The following TRANK1 variants were observed in gnomAD, a reference collection of about 807,000 sequenced individuals.
TRANK1 encodes the protein tetratricopeptide repeat and ankyrin repeat containing 1.
TRANK1 carries 198 observed loss-of-function variants against 266.0 expected under a neutral mutation model. The ratio of observed to expected loss-of-function variants is 0.74; its 90% confidence interval spans 0.66 to 0.84. The LOEUF (loss-of-function observed/expected upper bound fraction) is 0.84, where lower values mean the gene tolerates loss of function less well. Among genes scored for constraint, TRANK1 ranks in the 40% least tolerant of loss-of-function variants. The pLI is 0.00. For missense variants in TRANK1, 3,326 were observed against 3,634.6 expected (o/e 0.92, Z 2.18); for synonymous variants, 1,396 against 1,384.1 (o/e 1.01, Z -0.19).
At chr3:36,850,810 T>C in intron 15 of TRANK1, 1 of 985,292 alleles carries the variant, frequency 1.0e-6, no homozygotes, top group African/African-American at 1.7e-5. Flanking sequence ...ATCTAAAGGG[T>C]CAGTTCTGGG....
At position 36,829,727 on chromosome 3, in the gene TRANK1, C is replaced by T; in HGVS notation, c.8711-65G>A. ...ATTGCAGGAACTAGAACACCAATTA[C>T]TAGACCCAGAGTCCCCACATCCCAA... On this transcript the variant is annotated intron_variant, in intron 22 of 23. Transcript: ENST00000645898. The T allele has an allele frequency of 2.0e-6, 3 of 1,533,984 alleles. No individual in the cohort carries two copies. In the South Asian group the frequency reaches 3.4e-5, roughly 17 times the overall value.
Position 36,831,217 on chromosome 3 carries a change from G to A in TRANK1, c.8366C>T (p.Ala2789Val), listed in dbSNP as rs764591130. 3 of 1,613,742 alleles carry A rather than the reference G, an allele frequency of 1.9e-6. No homozygotes were observed. Among genetic ancestry groups the A allele is most frequent in the Non-Finnish European group, 1.7e-6 (2 of 1,179,880 alleles). Residue 2789 changes from alanine (A) to valine (V), a missense_variant, in exon 22 of 24, where the codon GCG (alanine) becomes GTG (valine). By Grantham distance (64) the Ala-to-Val change is moderately conservative (BLOSUM62 0). Coordinates refer to ENST00000645898, the MANE Select transcript of TRANK1 (RefSeq NM_001329998.2). The surrounding 1 kb of genome is among the most constrained non-coding windows in gnomAD (Gnocchi z 5.0). Reference protein sequence around the residue: ...GPENYFSPSKAFEGAASEVAV... With the variant: ...GPENYFSPSKVFEGAASEVAV... ...CACCTCGGAAGCTGCCCCCTCAAAC[G>A]CTTTGCTGGGGCTGAAATAGTTCTC...
chr3:36,921,917 G>T (rs1369312019), intron 1 of TRANK1, among the ~76,000 whole-genome samples: 1 of 152,120 alleles, frequency 6.6e-6, no homozygotes, highest in African/African-American at 2.4e-5. Flanking sequence ...TGGGCTGGGA[G>T]GATTGCTTGA....
At chr3:36,908,710 G>A (rs756533468) in intron 1 of TRANK1, 23 of 873,086 alleles carry the variant, frequency 2.6e-5, no homozygotes, top group Middle Eastern at 5.9e-4. Flanking sequence ...TGATCTGGAG[G>A]AGGCTGCTTC....
chr3:36,834,018 C>A, intron 21 of TRANK1, 99 bp from the exon 22 acceptor site: 1 of 1,208,266 alleles, frequency 8.3e-7, no homozygotes, highest in Non-Finnish European at 1.1e-6. Flanking sequence ...AAAACTCCCA[C>A]ATGTAGATAT....
chr3:36,901,099 TTG>T (rs1491518148), intron 3 of TRANK1, among the ~76,000 whole-genome samples: 1 of 94,990 alleles, frequency 1.1e-5, no homozygotes, highest in Non-Finnish European at 2.2e-5. Context: ...AGATTCAAGG[TTG>T]TTTTTTTTTT....
In TRANK1 at chr3:36,855,713, C is replaced by T; in HGVS notation, c.4009G>A (p.Gly1337Arg). 1.9e-6 allele frequency: 3 copies of T among 1,613,698 alleles called. No homozygotes were observed. The highest frequency in any genetic ancestry group is 2.5e-6 in the Non-Finnish European group (3 of 1,179,836). The change falls in exon 13 of 24, where the codon GGG becomes AGG. Residue 1337 changes from glycine (G) to arginine (R), a missense_variant. Gly to Arg is a moderately radical substitution (Grantham distance 125). Transcript: ENST00000645898. The stretch of plus-strand genomic sequence containing the variant: ...AGTGCAGGGTTGTAGGCAGTCCTCC[C>T]TTTGGTCATTTTGGGCCATATTTCA... ...KNEIWPKMTK[G>R]RTAYNPALIW...
chr3:36,920,942 T>A (rs1414259273), intron 1 of TRANK1, among the ~76,000 whole-genome samples: 1 of 152,218 alleles, frequency 6.6e-6, no homozygotes, highest in Non-Finnish European at 1.5e-5. Context: ...GTCAGCATGT[T>A]CAGTTCTTTG....
chr3:36,941,342 G>A (rs541981680), intron 1 of TRANK1, among the ~76,000 whole-genome samples: 21 of 152,204 alleles, frequency 1.4e-4, no homozygotes, highest in African/African-American at 2.6e-4. Context: ...AGACACACAG[G>A]GAGTCCCACC....
intron 9 of TRANK1, among the ~76,000 whole-genome samples, chr3:36,868,256 A>G (rs946605761): frequency 1.3e-5 from 2 of 152,246 alleles, no homozygotes; most frequent in Non-Finnish European, 2.9e-5. Flanking sequence ...GACCAAAACT[A>G]TGCCTTAGGA....
chr3:36,935,694 A>C (rs548191318), intron 1 of TRANK1, among the ~76,000 whole-genome samples: 16 of 152,208 alleles, frequency 1.1e-4, no homozygotes, highest in Non-Finnish European at 2.1e-4. Flanking sequence ...TGATCCGCCC[A>C]TCTCGGCTTT....
chr3:36,838,784 C>T, intron 18 of TRANK1, 68 bp from the exon 19 acceptor site: 3 of 1,471,522 alleles, frequency 2.0e-6, no homozygotes, highest in Non-Finnish European at 2.8e-6. Flanking sequence ...ACGGTTAAAG[C>T]ATGCATTATA....
intron 1 of TRANK1, among the ~76,000 whole-genome samples, chr3:36,912,629 G>A (rs1328754042): frequency 6.6e-6 from 1 of 152,212 alleles, no homozygotes; most frequent in Non-Finnish European, 1.5e-5. Context: ...AAATGCAAAT[G>A]CACTGAGTAG....
intron 8 of TRANK1, among the ~76,000 whole-genome samples, chr3:36,879,928 G>GCAAATATATGTAAACATA (rs2125586774): frequency 8.4e-5 from 1 of 11,892 alleles, no homozygotes; most frequent in Admixed American, 9.2e-4. Flanking sequence ...ATGTAAACAT[G>GCAAATATATGTAAACATA]CAAATATATG....
In TRANK1 at chr3:36,831,540, G is replaced by A. The variant is rs2078694231; in HGVS notation, c.8043C>T (p.Tyr2681=). ...NRLLCLDPVD[Y]FAEPECEFGQ... ...CAAACTCACACTCAGGTTCAGCAAA[G>A]TAGTCCACAGGGTCCAAACAGAGCA... Residue 2681 remains tyrosine, a synonymous_variant, in exon 22 of 24, where the codon TAC becomes TAT. Transcript: ENST00000645898. This position sits in a 1 kb window ranked among gnomAD's most constrained non-coding sequence, Gnocchi z 5.0. 15 of 1,613,446 alleles carry A rather than the reference G, an allele frequency of 9.3e-6. No individual in the cohort carries two copies. The highest frequency in any genetic ancestry group is 1.3e-5 in the African/African-American group (1 of 74,928).
chr3:36,893,120 T>C, intron 5 of TRANK1, 136 bp from the exon 6 acceptor site: 2 of 346,582 alleles, frequency 5.8e-6, no homozygotes, highest in Non-Finnish European at 9.9e-6. Flanking sequence ...TTTAAAGTGC[T>C]TGCCAAGTTT....
intron 8 of TRANK1, among the ~76,000 whole-genome samples, chr3:36,876,150 A>G (rs1002316769): frequency 2.2e-4 from 34 of 152,160 alleles, no homozygotes; most frequent in African/African-American, 6.8e-4. Flanking sequence ...TCTGAGAACC[A>G]CCCAGTTTTC....
intron 2 of TRANK1, among the ~76,000 whole-genome samples, chr3:36,904,955 G>A (rs2079940143): frequency 6.6e-6 from 1 of 151,818 alleles, no homozygotes; most frequent in Non-Finnish European, 1.5e-5. Context: ...ACCCATACTA[G>A]GGACTGAACT....
At chr3:36,931,991 G>A (rs888256493) in intron 1 of TRANK1, among the ~76,000 whole-genome samples, 8 of 152,180 alleles carry the variant, frequency 5.3e-5, no homozygotes, top group African/African-American at 1.9e-4. Context: ...AGAGAACACA[G>A]GAGAGAGACT....
Sources: gnomAD v4.1 joint callset for allele counts (sites outside exome capture counted in the v4.1 genomes callset) on GRCh38, gnomAD v4.1.1 for gene constraint, Gnocchi (gnomAD v3.1) non-coding constraint, MANE v1.5 for transcripts, NCBI Gene and HGNC (gene_info 2026-07-23, HGNC 2026-07-21) for gene names.